RPN1: variants seen among roughly 807,000 people sequenced by gnomAD.
RPN1 encodes the protein ribophorin I, also known as dolichyl-diphosphooligosaccharide--protein glycosyltransferase subunit 1.
A neutral mutation model predicts 55.5 loss-of-function variants in RPN1; 12 were observed. The observed-to-expected ratio is 0.22, with a 90% CI of 0.14 to 0.35. RPN1 has a LOEUF of 0.35. Ranked by LOEUF, RPN1 falls within the 10% of genes least tolerant of loss-of-function variation. The pLI, the probability that RPN1 is intolerant of heterozygous loss-of-function variation, is 1.00. For missense variants in RPN1, 679 were observed against 761.3 expected (o/e 0.89, Z 1.27); for synonymous variants, 317 against 305.9 (o/e 1.04, Z -0.38).
intron 2 of RPN1, chr3:128,644,705 T>A (rs1452381609): frequency 1.5e-6 from 1 of 649,190 alleles, no homozygotes; most frequent in Non-Finnish European, 2.8e-6. Flanking sequence ...ACACCTGTAA[T>A]CCCAGCACTT....
At chr3:128,624,702 C>A (rs2069586544) in intron 8 of RPN1, among the ~76,000 whole-genome samples, 1 of 151,392 alleles carries the variant, frequency 6.6e-6, no homozygotes, top group Non-Finnish European at 1.5e-5. Context: ...GAAGCACACC[C>A]TTGGTGCGCA....
intron 7 of RPN1, 87 bp from the exon 8 acceptor site, chr3:128,625,740 C>T (rs1212394427): frequency 2.5e-6 from 4 of 1,589,136 alleles, no homozygotes; most frequent in South Asian, 1.1e-5. Flanking sequence ...CGACCTGCTG[C>T]CCCACCCCAA....
At chr3:128,638,532 T>C (rs950388060) in intron 2 of RPN1, among the ~76,000 whole-genome samples, 1 of 152,114 alleles carries the variant, frequency 6.6e-6, no homozygotes, top group Non-Finnish European at 1.5e-5. Flanking sequence ...CAGGCTGGAG[T>C]GCAGTGGCAT....
chr3:128,621,069 C>T (rs929463354), intron 9 of RPN1, among the ~76,000 whole-genome samples: 1 of 152,196 alleles, frequency 6.6e-6, no homozygotes, highest in African/African-American at 2.4e-5. Flanking sequence ...TAGTCACATT[C>T]ATTCAACATT....
At chr3:128,645,078 GCAGT>G (rs1411278026) in intron 1 of RPN1, 95 bp from the exon 2 acceptor site, 4 of 725,948 alleles carry the variant, frequency 5.5e-6, no homozygotes, top group African/African-American at 1.8e-5. Context: ...CCCCATTAAA[GCAGT>G]CAAACTATCA....
chr3:128,649,436 C>A (rs1334564103), intron 1 of RPN1, among the ~76,000 whole-genome samples: 1 of 152,168 alleles, frequency 6.6e-6, no homozygotes, highest in Non-Finnish European at 1.5e-5. Context: ...TATCTTTCCA[C>A]AAGCCTTTGA....
chr3:128,644,299 G>A (rs1333793498), intron 2 of RPN1, among the ~76,000 whole-genome samples: 4 of 152,262 alleles, frequency 2.6e-5, no homozygotes, highest in East Asian at 3.9e-4. Flanking sequence ...GTAATGAGAA[G>A]TCATAAATGA....
chr3:128,644,633 C>T (rs1460073721), intron 2 of RPN1: 1 of 555,544 alleles, frequency 1.8e-6, no homozygotes, highest in African/African-American at 1.9e-5. Flanking sequence ...GTAATGGAGC[C>T]TGGGCAACAG....
At position 128,620,535 on chromosome 3, in the gene RPN1, A is replaced by G; in HGVS notation, c.1700T>C (p.Val567Ala). The change falls in exon 10 of 10, where the codon GTG (valine) becomes GCG (alanine). Residue 567 changes from valine (V) to alanine (A), a missense_variant. Physicochemically the swap from Val to Ala is moderately conservative, Grantham distance 64 (BLOSUM62 0). Around this residue, in one of 3 missense-constraint regions of RPN1, gnomAD observed 306 missense variants for 360.0 expected, o/e 0.85. Coordinates refer to ENST00000296255, the MANE Select transcript of RPN1 (RefSeq NM_002950.4). ...QVKELVLKSAVEAERLVAGKL... is the reference protein window; with the variant it reads ...QVKELVLKSAAEAERLVAGKL... Reference sequence around the variant, plus strand: ...GCCAGCCACCAGGCGCTCAGCCTCCACCGCCGACTTCAGCACCAGCTCCTT... The same window carrying G: ...GCCAGCCACCAGGCGCTCAGCCTCCGCCGCCGACTTCAGCACCAGCTCCTT... The G allele has an allele frequency of 2.5e-6, 4 of 1,614,116 alleles. No homozygotes were observed. The highest frequency in any genetic ancestry group is 3.4e-6 in the Non-Finnish European group (4 of 1,179,996).
Position 128,620,570 on chromosome 3 carries a change from A to G in RPN1, c.1665T>C (p.Asp555=). The G allele has an allele frequency of 1.9e-6, 3 of 1,613,672 alleles. No homozygotes were observed. Among genetic ancestry groups the G allele is most frequent in the East Asian group, 2.2e-5 (1 of 44,870 alleles). The change falls in exon 10 of 10, where the codon GAT becomes GAC. Residue 555 remains aspartate (D), a synonymous_variant. Coordinates refer to ENST00000296255, the MANE Select transcript of RPN1 (RefSeq NM_002950.4). The part of the protein sequence containing the change: ...CDRVSEMQKL[D]AQVKELVLKS... ...TCAGCACCAGCTCCTTGACCTGTGC[A>G]TCCAGCTTCTGCATTTCGCTCACCT...
In RPN1 at chr3:128,637,844, G is replaced by A; in HGVS notation, c.588C>T (p.Asp196=). 1 of 1,613,760 alleles carries A rather than the reference G, an allele frequency of 6.2e-7. No homozygotes were observed. ...TKLGNPTRSE[D]LLDYGPFRDV... is the part of the protein sequence containing the mutation. ...CTCTGAAAGGCCCATAATCCAGTAG[G>A]TCCTCAGAGCGCGTGGGGTTCCCCA... Residue 196 remains aspartate, a synonymous_variant, in exon 3 of 10, where the codon GAC becomes GAT. Transcript: ENST00000296255.
At chr3:128,631,784 T>G (rs1576794644) in intron 4 of RPN1, among the ~76,000 whole-genome samples, 164 bp downstream of exon 4, 1 of 151,840 alleles carries the variant, frequency 6.6e-6, no homozygotes, top group Admixed American at 6.6e-5. Context: ...TATGGGGGGG[T>G]ATTTTTTAAG....
At chr3:128,644,863 T>C in intron 2 of RPN1, 56 bp downstream of exon 2, 1 of 995,950 alleles carries the variant, frequency 1.0e-6, no homozygotes, top group Non-Finnish European at 1.6e-6. Context: ...TCCCATATGA[T>C]CCCAACCCTG....
intron 2 of RPN1, among the ~76,000 whole-genome samples, chr3:128,642,087 C>T (rs2069729732): frequency 6.6e-6 from 1 of 152,156 alleles, no homozygotes; most frequent in African/African-American, 2.4e-5. Context: ...CGCTACAAGC[C>T]AGCAGCTAGA....
At chr3:128,639,455 GAAA>G (rs370062932) in intron 2 of RPN1, among the ~76,000 whole-genome samples, 1 of 81,742 alleles carries the variant, frequency 1.2e-5, no homozygotes, top group Non-Finnish European at 2.5e-5. Context: ...ACCGTCTCAA[GAAA>G]AAAAAAAAAA....
chr3:128,641,001 C>A (rs1319777159), intron 2 of RPN1: 1 of 152,178 alleles, frequency 6.6e-6, no homozygotes, highest in African/African-American at 2.4e-5. Context: ...AACATCAAGT[C>A]TTACCAAAAT....
At chr3:128,645,047 TA>T in intron 1 of RPN1, 64 bp from the exon 2 acceptor site, 1 of 916,318 alleles carries the variant, frequency 1.1e-6, no homozygotes. Context: ...AGTCAATAAT[TA>T]ACCAAGTGCT....
rs1376115782 is a variant in RPN1, at chr3:128,650,805, G to A, written c.-5C>T. The A allele has an allele frequency of 6.6e-7, 1 of 1,518,056 alleles. No homozygotes were observed. Among genetic ancestry groups the A allele is most frequent in the South Asian group, 1.2e-5 (1 of 81,684 alleles). 94.0% of individuals were successfully genotyped at this position (1,518,056 alleles called of 1,614,324 possible). On this transcript the variant is annotated 5_prime_UTR_variant, in exon 1 of 10. Transcript: ENST00000296255. Reference sequence around the variant, plus strand: ...GCCGGCGGCTGGCGCCTCCATGACCGGGAAGAGCAGTGCGCCAGGGCGGGT... The same window carrying A: ...GCCGGCGGCTGGCGCCTCCATGACCAGGAAGAGCAGTGCGCCAGGGCGGGT...
chr3:128,644,376 G>A (rs370234284), intron 2 of RPN1: 4 of 233,654 alleles, frequency 1.7e-5, no homozygotes, highest in Non-Finnish European at 2.6e-5. Flanking sequence ...TCGGTGGGGC[G>A]TAATGGACTC....
Sources: allele counts gnomAD v4.1 joint callset (sites outside exome capture counted in the v4.1 genomes callset), GRCh38; gene constraint gnomAD v4.1.1; regional missense constraint gnomAD v4.1.1; transcripts MANE v1.5; gene names NCBI Gene and HGNC (gene_info 2026-07-23, HGNC 2026-07-21).